PEX5L: variants seen among roughly 807,000 people sequenced by gnomAD.
PEX5L encodes the protein peroxisomal biogenesis factor 5 like.
In PEX5L, 30 loss-of-function variants were observed where a neutral mutation model predicts 84.0. The observed-to-expected ratio is 0.36, with a 90% CI of 0.27 to 0.48. PEX5L has a LOEUF of 0.48. Ranked by LOEUF, PEX5L falls within the 20% of genes least tolerant of loss-of-function variation. The probability of loss-of-function intolerance (pLI) is 0.99; values close to 1 mark genes in which losing one functional copy is unlikely to be tolerated. For synonymous variants in PEX5L, 270 were observed against 283.1 expected, an observed-to-expected ratio of 0.95 and a Z score of 0.46; for missense variants, 533 against 754.6, an observed-to-expected ratio of 0.71 and a Z score of 3.44.
chr3:180,035,021 A>G (rs6443688), intron 1 of PEX5L, among the ~76,000 whole-genome samples: 31,914 of 152,044 alleles, frequency 0.21, 3,903 homozygotes, highest in African/African-American at 0.35. Flanking sequence ...ATTCACAGTA[A>G]CATATTTTTT....
chr3:179,861,849 A>G (rs1412058511), intron 7 of PEX5L, among the ~76,000 whole-genome samples: 2 of 152,244 alleles, frequency 1.3e-5, no homozygotes, highest in African/African-American at 2.4e-5. Flanking sequence ...GTGATAGAAA[A>G]ATGTATGCCC....
At chr3:179,932,025 G>A (rs1036799134) in intron 2 of PEX5L, among the ~76,000 whole-genome samples, 1 of 152,070 alleles carries the variant, frequency 6.6e-6, no homozygotes, top group African/African-American at 2.4e-5. Flanking sequence ...ACAAGGATAT[G>A]TTTATCCTAA....
intron 2 of PEX5L, among the ~76,000 whole-genome samples, chr3:179,922,191 C>T (rs1769662922): frequency 1.3e-5 from 2 of 152,168 alleles, no homozygotes; most frequent in African/African-American, 4.8e-5. Flanking sequence ...CAAGCACTGT[C>T]CCAGGCTGGG....
chr3:179,806,219 G>A (rs534983082), intron 14 of PEX5L, among the ~76,000 whole-genome samples: 30 of 152,146 alleles, frequency 2.0e-4, no homozygotes, highest in African/African-American at 7.0e-4. Context: ...AAATCTGGCC[G>A]GGAAAATCAG....
Position 179,815,995 on chromosome 3 carries a change from A to G in PEX5L, c.949T>C (p.Phe317Leu). ...TISASEKGYY[F>L]HTENPFKDWP... is the part of the protein sequence containing the mutation. ...TCCTTGAAGGGGTTTTCAGTGTGAAAGTAATATCCCTGCAACACAGAAAAA... is the reference window on the plus strand; with the variant it reads ...TCCTTGAAGGGGTTTTCAGTGTGAAGGTAATATCCCTGCAACACAGAAAAA... The change falls in exon 10 of 15, where the codon TTT (phenylalanine) becomes CTT (leucine). Residue 317 changes from phenylalanine to leucine, a missense_variant. By Grantham distance (22) the Phe-to-Leu change is conservative. Around this residue, in one of 8 missense-constraint regions of PEX5L, gnomAD observed 58 missense variants for 56.4 expected, o/e 1.03. Transcript: ENST00000467460. 1 of 1,614,164 alleles carries G rather than the reference A, an allele frequency of 6.2e-7. No homozygotes were observed. The highest frequency in any genetic ancestry group is 8.5e-7 in the Non-Finnish European group (1 of 1,180,010).
chr3:179,820,712 A>G (rs1259292774), intron 8 of PEX5L, among the ~76,000 whole-genome samples: 1 of 152,184 alleles, frequency 6.6e-6, no homozygotes, highest in Non-Finnish European at 1.5e-5. Flanking sequence ...TCTTTACTTC[A>G]AGGGAGGTGT....
chr3:179,877,801 C>T (rs1190638590), intron 5 of PEX5L, among the ~76,000 whole-genome samples: 3 of 152,112 alleles, frequency 2.0e-5, no homozygotes, highest in Admixed American at 2.0e-4. Flanking sequence ...ATGTTATTAA[C>T]TTATTTGTAC....
At chr3:179,928,594 C>A (rs1363450914) in intron 2 of PEX5L, among the ~76,000 whole-genome samples, 2 of 152,208 alleles carry the variant, frequency 1.3e-5, no homozygotes, top group African/African-American at 2.4e-5. Flanking sequence ...AACTCTCCAA[C>A]TGATTCTGGA....
intron 2 of PEX5L, among the ~76,000 whole-genome samples, chr3:179,968,725 G>GTGTC (rs1783997173): frequency 8.8e-5 from 12 of 135,792 alleles, no homozygotes; most frequent in South Asian, 4.6e-4. Context: ...GTGTGTGTCT[G>GTGTC]TGTGTGTCTG....
intron 8 of PEX5L, among the ~76,000 whole-genome samples, chr3:179,836,193 A>T (rs955266564): frequency 4.6e-5 from 7 of 152,144 alleles, no homozygotes; most frequent in Non-Finnish European, 1.0e-4. Flanking sequence ...TAGTTTTCTC[A>T]TCTATAAAAA....
chr3:180,027,542 T>A (rs560154105), intron 1 of PEX5L, among the ~76,000 whole-genome samples: 5 of 152,080 alleles, frequency 3.3e-5, no homozygotes, highest in Non-Finnish European at 5.9e-5. Flanking sequence ...TTATTAAATA[T>A]ACACACCATG....
At chr3:179,859,766 T>C (rs1336943483) in intron 7 of PEX5L, among the ~76,000 whole-genome samples, 1 of 152,236 alleles carries the variant, frequency 6.6e-6, no homozygotes, top group African/African-American at 2.4e-5. Context: ...AAATCATGTC[T>C]GATAAGGCCA....
chr3:179,834,944 G>A (rs564832898), intron 8 of PEX5L, among the ~76,000 whole-genome samples: 110 of 152,254 alleles, frequency 7.2e-4, no homozygotes, highest in African/African-American at 2.0e-3. Context: ...TGATTTCCTC[G>A]TAAGAAGAAC....
At chr3:179,920,014 G>T (rs1384318720) in intron 2 of PEX5L, among the ~76,000 whole-genome samples, 3 of 152,210 alleles carry the variant, frequency 2.0e-5, no homozygotes, top group African/African-American at 7.2e-5. Flanking sequence ...ACTTTTTAAA[G>T]ATAGTAGTTA....
intron 2 of PEX5L, among the ~76,000 whole-genome samples, chr3:179,933,405 A>C (rs1773649480): frequency 6.6e-6 from 1 of 152,042 alleles, no homozygotes; most frequent in Non-Finnish European, 1.5e-5. Context: ...AGCTTGTCCT[A>C]GATGAAGTGA....
At chr3:179,822,687 T>G (rs534846822) in intron 8 of PEX5L, among the ~76,000 whole-genome samples, 3 of 152,224 alleles carry the variant, frequency 2.0e-5, no homozygotes, top group Admixed American at 1.3e-4. Context: ...GGATTTTATT[T>G]ATTGATGATT....
intron 1 of PEX5L, chr3:179,973,980 T>A (rs1785414710): frequency 1.0e-6 from 1 of 985,490 alleles, no homozygotes; most frequent in South Asian, 4.7e-5. Flanking sequence ...GGGGGATTAA[T>A]CCTTTTCTAA....
At chr3:179,888,152 G>A in intron 3 of PEX5L, 1 of 1,290,512 alleles carries the variant, frequency 7.7e-7, no homozygotes, top group Non-Finnish European at 1.0e-6. Flanking sequence ...ACCTGGACCA[G>A]TGGCTTCAGA....
At chr3:179,961,688 TAA>T (rs992391398) in intron 2 of PEX5L, among the ~76,000 whole-genome samples, 1 of 152,210 alleles carries the variant, frequency 6.6e-6, no homozygotes, top group South Asian at 2.1e-4. Context: ...ATTTTTATTA[TAA>T]GTGATAAAAT....
Sources: allele counts gnomAD v4.1 joint callset (sites outside exome capture counted in the v4.1 genomes callset), GRCh38; gene constraint gnomAD v4.1.1; regional missense constraint gnomAD v4.1.1; transcripts MANE v1.5; gene names NCBI Gene and HGNC (gene_info 2026-07-23, HGNC 2026-07-21).